CNTN4: variants seen among roughly 807,000 people sequenced by gnomAD.
The protein encoded by CNTN4 is contactin 4.
CNTN4 carries 77 observed loss-of-function variants against 122.5 expected under a neutral mutation model. The ratio of observed to expected loss-of-function variants is 0.63; its 90% CI spans 0.52 to 0.76. The LOEUF (loss-of-function observed/expected upper bound fraction) is 0.76. Ranked by LOEUF, CNTN4 falls within the 30% of genes least tolerant of loss-of-function variation. The probability of loss-of-function intolerance (pLI) is 0.00; values close to 1 mark genes in which losing one functional copy is unlikely to be tolerated. For synonymous variants in CNTN4, 512 were observed against 447.0 expected (o/e 1.15, Z -1.83); for missense variants, 1,256 against 1,259.1 (o/e 1.00, Z 0.04).
At chr3:3,037,088 G>A (rs1228596266) in intron 17 of CNTN4, 91 bp from the exon 18 acceptor site, 7 of 1,397,750 alleles carry the variant, frequency 5.0e-6, no homozygotes, top group Admixed American at 1.7e-5. Context: ...TAATGATGAG[G>A]ATGGATGGAT....
chr3:3,035,470 C>A (rs186010775), intron 17 of CNTN4, among the ~76,000 whole-genome samples: 1 of 152,214 alleles, frequency 6.6e-6, no homozygotes, highest in Non-Finnish European at 1.5e-5. Flanking sequence ...TTCTGCCTGA[C>A]TATAGTCACT....
chr3:2,465,534 G>C (rs759644758), intron 3 of CNTN4, among the ~76,000 whole-genome samples: 1 of 151,954 alleles, frequency 6.6e-6, no homozygotes, highest in Non-Finnish European at 1.5e-5. Flanking sequence ...AAAATTAACC[G>C]GGTGTGGCAG....
chr3:2,211,330 G>A (rs2038606663), intron 2 of CNTN4, among the ~76,000 whole-genome samples: 1 of 151,994 alleles, frequency 6.6e-6, no homozygotes, highest in Non-Finnish European at 1.5e-5. Flanking sequence ...CCAGCACTGG[G>A]GATTACAATT....
chr3:2,486,995 C>T (rs962569566), intron 3 of CNTN4, among the ~76,000 whole-genome samples: 2 of 152,276 alleles, frequency 1.3e-5, no homozygotes, highest in African/African-American at 2.4e-5. Flanking sequence ...ATATAAATCA[C>T]ATAGAAATTT....
chr3:2,380,075 A>AG (rs1553636313), intron 3 of CNTN4, among the ~76,000 whole-genome samples: 17 of 151,208 alleles, frequency 1.1e-4, no homozygotes, highest in African/African-American at 4.1e-4. Context: ...AAAAAAAAAA[A>AG]TCATAGGGTT....
At chr3:2,921,145 T>C (rs2094425813) in intron 12 of CNTN4, among the ~76,000 whole-genome samples, 1 of 152,184 alleles carries the variant, frequency 6.6e-6, no homozygotes, top group African/African-American at 2.4e-5. Context: ...TCAAGTGATC[T>C]TCTCACCTCA....
At chr3:2,775,408 A>G (rs1251724907) in intron 6 of CNTN4, among the ~76,000 whole-genome samples, 1 of 151,894 alleles carries the variant, frequency 6.6e-6, no homozygotes, top group Non-Finnish European at 1.5e-5. Flanking sequence ...CCATCATTTA[A>G]TCTCTCTTTA....
intron 4 of CNTN4, among the ~76,000 whole-genome samples, chr3:2,588,797 A>G (rs1308307797): frequency 6.6e-6 from 1 of 151,920 alleles, no homozygotes; most frequent in Non-Finnish European, 1.5e-5. Context: ...AAAAAAAAAA[A>G]AAAAAAAAAA....
chr3:2,614,488 G>A (rs1175596709), intron 4 of CNTN4, among the ~76,000 whole-genome samples: 2 of 152,186 alleles, frequency 1.3e-5, no homozygotes, highest in East Asian at 1.9e-4. Context: ...CAATTAGGCT[G>A]TTGTCCAGGT....
intron 4 of CNTN4, among the ~76,000 whole-genome samples, chr3:2,663,901 C>G (rs887005599): frequency 2.0e-5 from 3 of 152,108 alleles, no homozygotes; most frequent in Admixed American, 6.5e-5. Flanking sequence ...TCCAAAAAGA[C>G]CACATATTGT....
chr3:3,024,752 T>A (rs1472273859), intron 14 of CNTN4, among the ~76,000 whole-genome samples: 2 of 152,164 alleles, frequency 1.3e-5, no homozygotes, highest in Non-Finnish European at 2.9e-5. Context: ...TTTTAAATAC[T>A]CTCTTTAAAG....
At chr3:2,261,244 A>G (rs1158996571) in intron 2 of CNTN4, among the ~76,000 whole-genome samples, 10 of 152,094 alleles carry the variant, frequency 6.6e-5, no homozygotes, top group Admixed American at 5.9e-4. Flanking sequence ...CAGCATTTAT[A>G]CTATATTTGT....
rs575192976 is a variant in CNTN4 at position 2,300,560 on chromosome 3, CTTTTTTTTTTTTTTTT to C, written c.-144-38603_-144-38588del. 6.9e-4 allele frequency among the ~76,000 whole-genome samples: 43 copies of C among 62,020 alleles called. No individual in the cohort carries two copies. In the South Asian group the frequency reaches 7.9e-3, roughly 11 times the overall value. 40.7% of individuals were successfully genotyped at this position (62,020 alleles called of 152,430 possible). On this transcript the variant is annotated intron_variant, in intron 2 of 24. Transcript: ENST00000418658. ...ATGAGTTTATTTACACAGTGACCGT[CTTTTTTTTTTTTTTTT>C]TTTTTTTTTTTTTTGAGATGGAGTC...
chr3:2,631,422 A>G (rs534884483), intron 4 of CNTN4, among the ~76,000 whole-genome samples: 1 of 152,246 alleles, frequency 6.6e-6, no homozygotes, highest in African/African-American at 2.4e-5. Context: ...TAAAAACAAC[A>G]CATAATGCAA....
chr3:3,054,521 A>G (rs564348431), intron 24 of CNTN4, among the ~76,000 whole-genome samples: 11 of 152,372 alleles, frequency 7.2e-5, no homozygotes, highest in African/African-American at 2.2e-4. Context: ...GGAGAATAGC[A>G]TATTCTTTTT....
chr3:2,493,396 CTT>C (rs1199097085), intron 3 of CNTN4, among the ~76,000 whole-genome samples: 1 of 151,606 alleles, frequency 6.6e-6, no homozygotes, highest in Non-Finnish European at 1.5e-5. Flanking sequence ...TTCAGGAAAA[CTT>C]TCCTGAAACC....
At chr3:2,213,582 G>A (rs11926625) in intron 2 of CNTN4, among the ~76,000 whole-genome samples, 3,115 of 152,248 alleles carry the variant, frequency 0.02, 100 homozygotes, top group African/African-American at 0.071. Flanking sequence ...CAAGTTGCCA[G>A]AGTCTCAAAT....
At chr3:2,799,917 A>G (rs2092306092) in intron 6 of CNTN4, among the ~76,000 whole-genome samples, 1 of 151,980 alleles carries the variant, frequency 6.6e-6, no homozygotes, top group Admixed American at 6.6e-5. Context: ...TATTTTTGTC[A>G]ATTTTGTCAA....
intron 13 of CNTN4, among the ~76,000 whole-genome samples, chr3:2,973,385 T>C (rs1328103520): frequency 6.6e-6 from 1 of 151,998 alleles, no homozygotes; most frequent in African/African-American, 2.4e-5. Flanking sequence ...GAGACTAAAA[T>C]TTTTGGTGAC....
Sources: gnomAD v4.1 joint callset for allele counts (sites outside exome capture counted in the v4.1 genomes callset) on GRCh38, gnomAD v4.1.1 for gene constraint, MANE v1.5 for transcripts, NCBI Gene and HGNC (gene_info 2026-07-23, HGNC 2026-07-21) for gene names.